GABRB1: variants seen among roughly 807,000 people sequenced by gnomAD.
The protein encoded by GABRB1 is gamma-aminobutyric acid receptor subunit beta-1.
In GABRB1, 17 loss-of-function variants were observed where a neutral mutation model predicts 51.6. The observed-to-expected ratio is 0.33, with a 90% confidence interval of 0.23 to 0.49. GABRB1 has a LOEUF of 0.49. GABRB1 is among the 20% of genes least tolerant of loss of function. GABRB1 has a pLI of 0.99. For synonymous variants in GABRB1, 247 were observed against 218.9 expected (o/e 1.13, Z -1.14); for missense variants, 410 against 600.6 (o/e 0.68, Z 3.32).
At chr4:47,064,525 C>G (rs1459162364) in intron 3 of GABRB1, among the ~76,000 whole-genome samples, 1 of 150,862 alleles carries the variant, frequency 6.6e-6, no homozygotes, top group Non-Finnish European at 1.5e-5. Flanking sequence ...GTAATCCCAG[C>G]TACTCGGGAG....
intron 3 of GABRB1, among the ~76,000 whole-genome samples, chr4:47,065,336 G>T (rs1727030874): frequency 6.6e-6 from 1 of 152,160 alleles, no homozygotes; most frequent in Non-Finnish European, 1.5e-5. Context: ...TCTATTTCAT[G>T]CAGACATGTG....
intron 3 of GABRB1, among the ~76,000 whole-genome samples, chr4:47,051,349 T>C (rs116368554): frequency 0.014 from 2,169 of 152,156 alleles, 42 homozygotes; most frequent in African/African-American, 0.05. Context: ...GAAAGCAGAA[T>C]AGAAAATAGA....
chr4:47,169,741 A>C (rs1336693262), intron 4 of GABRB1, among the ~76,000 whole-genome samples: 2 of 152,104 alleles, frequency 1.3e-5, no homozygotes, highest in East Asian at 3.9e-4. Flanking sequence ...ATCTCAGGTG[A>C]TCCCCCCGCC....
chr4:47,294,341 C>A (rs955176320), intron 4 of GABRB1, among the ~76,000 whole-genome samples: 1 of 152,180 alleles, frequency 6.6e-6, no homozygotes, highest in Non-Finnish European at 1.5e-5. Context: ...TCAGGGAGTT[C>A]CCTTTCCTAG....
At chr4:47,392,548 G>A (rs1728036002) in intron 5 of GABRB1, among the ~76,000 whole-genome samples, 1 of 152,078 alleles carries the variant, frequency 6.6e-6, no homozygotes, top group Non-Finnish European at 1.5e-5. Context: ...TCACCATGTT[G>A]GCCAGGATGG....
intron 4 of GABRB1, among the ~76,000 whole-genome samples, chr4:47,278,639 A>T (rs1345430702): frequency 1.3e-5 from 2 of 152,076 alleles, no homozygotes; most frequent in Non-Finnish European, 1.5e-5. Context: ...CCTGGCCCTC[A>T]ATGTCAATTA....
At chr4:47,127,523 A>G (rs1225198410) in intron 3 of GABRB1, among the ~76,000 whole-genome samples, 1 of 151,206 alleles carries the variant, frequency 6.6e-6, no homozygotes, top group African/African-American at 2.4e-5. Context: ...CATATCTAGG[A>G]CTCTCACTTT....
At chr4:47,041,450 G>C (rs1725831409) in intron 3 of GABRB1, among the ~76,000 whole-genome samples, 1 of 152,068 alleles carries the variant, frequency 6.6e-6, no homozygotes, top group Admixed American at 6.6e-5. Context: ...GCAATCAGCT[G>C]TTCTTTCCCT....
intron 4 of GABRB1, among the ~76,000 whole-genome samples, chr4:47,239,070 A>T (rs1472996749): frequency 6.6e-6 from 1 of 152,108 alleles, no homozygotes; most frequent in East Asian, 1.9e-4. Flanking sequence ...GTATTTTTTT[A>T]ACTTTTTAAT....
At chr4:47,060,490 G>A (rs1305912520) in intron 3 of GABRB1, among the ~76,000 whole-genome samples, 1 of 151,634 alleles carries the variant, frequency 6.6e-6, no homozygotes, top group East Asian at 1.9e-4. Flanking sequence ...TCTCTTGGTG[G>A]GATTAACTTC....
At chr4:47,391,213 C>CT (rs11372502) in intron 5 of GABRB1, among the ~76,000 whole-genome samples, 36,052 of 151,526 alleles carry the variant, frequency 0.24, 4,898 homozygotes, top group African/African-American at 0.37. Context: ...AGTAAGCCTT[C>CT]TTTTTTTCCC....
chr4:47,070,179 G>T (rs538900007), intron 3 of GABRB1, among the ~76,000 whole-genome samples: 1 of 152,022 alleles, frequency 6.6e-6, no homozygotes, highest in African/African-American at 2.4e-5. Context: ...GGGACTACAG[G>T]CAAGCACCAC....
At chr4:47,334,237 G>GTAAA (rs1403286695) in intron 5 of GABRB1, among the ~76,000 whole-genome samples, 1 of 152,074 alleles carries the variant, frequency 6.6e-6, no homozygotes. Context: ...AAATAAATAA[G>GTAAA]TAAATAAATA....
At chr4:47,171,489 C>T (rs564623358) in intron 4 of GABRB1, among the ~76,000 whole-genome samples, 4 of 151,958 alleles carry the variant, frequency 2.6e-5, no homozygotes, top group Admixed American at 6.6e-5. Flanking sequence ...TTCATTAAAC[C>T]GTCATTTCAA....
chr4:47,251,771 G>T (rs2109864322), intron 4 of GABRB1, among the ~76,000 whole-genome samples: 1 of 152,242 alleles, frequency 6.6e-6, no homozygotes, highest in African/African-American at 2.4e-5. Flanking sequence ...GGGGAAGTGG[G>T]GGAAAGCTGG....
chr4:47,133,448 A>G (rs1342441572), intron 3 of GABRB1, among the ~76,000 whole-genome samples: 3 of 152,216 alleles, frequency 2.0e-5, no homozygotes, highest in Admixed American at 2.0e-4. Context: ...AGTTTCTTCA[A>G]TATAGTGGCT....
intron 4 of GABRB1, among the ~76,000 whole-genome samples, chr4:47,213,834 GTT>G (rs750792064): frequency 6.9e-5 from 10 of 144,402 alleles, no homozygotes; most frequent in Admixed American, 1.4e-4. Context: ...TTCTGAAACA[GTT>G]TTTTTTTTTT....
At chr4:47,409,589 A>G (rs1006962404) in intron 8 of GABRB1, among the ~76,000 whole-genome samples, 4 of 152,128 alleles carry the variant, frequency 2.6e-5, no homozygotes, top group Non-Finnish European at 2.9e-5. Flanking sequence ...ATATGGGTAC[A>G]GTATGGGGGG....
chr4:47,194,154 A>C (rs1052999419), intron 4 of GABRB1, among the ~76,000 whole-genome samples: 2 of 152,172 alleles, frequency 1.3e-5, no homozygotes, highest in Non-Finnish European at 2.9e-5. Context: ...AACTCATATC[A>C]AGCTGATTAA....
Sources: gnomAD v4.1 joint callset for allele counts (sites outside exome capture counted in the v4.1 genomes callset) on GRCh38, gnomAD v4.1.1 for gene constraint, MANE v1.5 for transcripts, NCBI Gene and HGNC (gene_info 2026-07-23, HGNC 2026-07-21) for gene names.